The following DYNC2I1 variants were observed in gnomAD, a reference collection of about 807,000 sequenced individuals.
The protein encoded by DYNC2I1 is cytoplasmic dynein 2 intermediate chain 1.
In DYNC2I1, 89 loss-of-function variants were observed where a neutral mutation model predicts 133.4. The ratio of observed to expected loss-of-function variants is 0.67; its 90% CI spans 0.56 to 0.80. The LOEUF is 0.80. Ranked by LOEUF, DYNC2I1 falls within the 30% of genes least tolerant of loss-of-function variation. DYNC2I1 has a pLI of 0.00. For synonymous variants in DYNC2I1, 504 were observed against 484.3 expected (o/e 1.04, Z -0.54); for missense variants, 1,291 against 1,314.5 (o/e 0.98, Z 0.28).
At chr7:158,908,153 G>A (rs1005370834) in intron 11 of DYNC2I1, among the ~76,000 whole-genome samples, 7 of 151,976 alleles carry the variant, frequency 4.6e-5, no homozygotes, top group African/African-American at 1.7e-4. Flanking sequence ...TGGCATTTGT[G>A]TGTTGTAAGG....
At chr7:158,848,988 C>T in the DYNC2I1 span, among the ~76,000 whole-genome samples, 1 of 151,830 alleles carries the variant, frequency 6.6e-6, no homozygotes, top group Non-Finnish European at 1.5e-5. Flanking sequence ...AAGGGGCCCA[C>T]ACAAGTCTTC....
At chr7:158,862,219 A>C (rs886389563) in intron 1 of DYNC2I1, among the ~76,000 whole-genome samples, 3 of 152,336 alleles carry the variant, frequency 2.0e-5, no homozygotes, top group South Asian at 4.2e-4. Context: ...TATAGAGACT[A>C]TCAGGGCCAC....
chr7:158,875,074 CAGTGCTTGGTAAATGCCT>C (rs1211194429), intron 3 of DYNC2I1, among the ~76,000 whole-genome samples: 2 of 147,968 alleles, frequency 1.4e-5, no homozygotes, highest in Non-Finnish European at 3.0e-5. Flanking sequence ...GAAGAGTGCT[CAGTGCTTGGTAAATGCCT>C]TTTTTTTTTT....
chr7:158,940,638 T>TA (rs1851248289), intron 23 of DYNC2I1, among the ~76,000 whole-genome samples: 1 of 152,212 alleles, frequency 6.6e-6, no homozygotes, highest in Non-Finnish European at 1.5e-5. Flanking sequence ...TTGAGTATCT[T>TA]ATGATTATCA....
At chr7:158,910,467 G>C (rs1257183660) in intron 11 of DYNC2I1, among the ~76,000 whole-genome samples, 3 of 151,964 alleles carry the variant, frequency 2.0e-5, no homozygotes, top group Admixed American at 2.0e-4. Flanking sequence ...TGTCAGGCCT[G>C]TGGGCCGAGT....
chr7:158,884,643 C>T (rs372005470), intron 6 of DYNC2I1, 24 bp downstream of exon 6: 85 of 1,610,250 alleles, frequency 5.3e-5, no homozygotes, highest in Middle Eastern at 1.6e-4. Flanking sequence ...GCCCTGTGGT[C>T]GACCTTTACG....
intron 4 of DYNC2I1, among the ~76,000 whole-genome samples, chr7:158,951,783 A>G (rs541344245): frequency 3.3e-4 from 50 of 152,286 alleles, no homozygotes; most frequent in African/African-American, 1.2e-3. Context: ...CTGAAGGAGC[A>G]TGTTCTTCTC....
At chr7:158,852,328 G>A (rs1841077294), upstream of DYNC2I1, among the ~76,000 whole-genome samples, 1 of 151,802 alleles carries the variant, frequency 6.6e-6, no homozygotes, top group African/African-American at 2.4e-5. Context: ...TACCATGTTG[G>A]CCAGGCTAGT....
intron 3 of DYNC2I1, among the ~76,000 whole-genome samples, chr7:158,874,038 C>T (rs561365652): frequency 6.8e-4 from 103 of 152,016 alleles, no homozygotes; most frequent in African/African-American, 2.3e-3. Context: ...GGATTATAGG[C>T]GTCAGCCACA....
At chr7:158,871,706 C>T (rs1842901985) in intron 3 of DYNC2I1, 144 bp downstream of exon 3, 1 of 1,015,730 alleles carries the variant, frequency 9.8e-7, no homozygotes, top group African/African-American at 1.6e-5. Flanking sequence ...GGGTCTTGCT[C>T]TGCCCCCAGG....
At position 158,922,540 on chromosome 7, in the gene DYNC2I1, T is replaced by C. The variant is rs1256206910; in HGVS notation, c.2085T>C (p.Cys695=). The change falls in exon 16 of 25, where the codon TGT becomes TGC. Residue 695 remains cysteine, a synonymous_variant. Transcript: ENST00000407559. ...CAGGGCCACAGAAAGTTCTGATATG[T>C]GAGTCCCAGGTACAGCTCAGGATGA... is the stretch of plus-strand genomic sequence containing the variant. ...QPSGPQKVLI[C]ESQVTCCCLS... The C allele has an allele frequency of 2.5e-6, 4 of 1,613,506 alleles. No homozygotes were observed. Among genetic ancestry groups the C allele is most frequent in the African/African-American group, 2.7e-5 (2 of 74,854 alleles).
downstream of DYNC2I1, among the ~76,000 whole-genome samples, chr7:158,948,528 T>A (rs953866039): frequency 7.9e-5 from 12 of 152,156 alleles, no homozygotes; most frequent in Non-Finnish European, 1.0e-4. Context: ...CGGAGGCACT[T>A]CTGTTTTCTC....
At chr7:158,884,746 C>T in intron 6 of DYNC2I1, 127 bp downstream of exon 6, 3 of 906,070 alleles carry the variant, frequency 3.3e-6, no homozygotes, top group Non-Finnish European at 4.6e-6. Context: ...ACTTCATTTT[C>T]TCTAGATTTT....
intron 4 of DYNC2I1, among the ~76,000 whole-genome samples, chr7:158,956,129 G>A (rs959076837): frequency 5.3e-5 from 8 of 152,176 alleles, no homozygotes; most frequent in Non-Finnish European, 7.3e-5. Flanking sequence ...ACCGGGAGGC[G>A]GCCAGAAGTG....
intron 6 of DYNC2I1, 47 bp from the exon 7 acceptor site, chr7:158,886,974 G>A (rs1407097502): frequency 6.5e-7 from 1 of 1,543,626 alleles, no homozygotes; most frequent in Non-Finnish European, 8.9e-7. Flanking sequence ...TTTTTTAAAA[G>A]CTCTCATTTA....
upstream of DYNC2I1, among the ~76,000 whole-genome samples, chr7:158,853,478 A>G (rs996432298): frequency 3.3e-5 from 5 of 152,100 alleles, no homozygotes; most frequent in Admixed American, 2.6e-4. Flanking sequence ...CTTGGTCATT[A>G]TCAGTGTGAA....
intron 14 of DYNC2I1, among the ~76,000 whole-genome samples, chr7:158,915,012 A>T (rs1302639391): frequency 2.6e-5 from 4 of 152,212 alleles, no homozygotes; most frequent in Non-Finnish European, 5.9e-5. Context: ...ACTTGAGTCT[A>T]CTGCAGCACT....
At chr7:158,899,243 T>A (rs538351893) in intron 8 of DYNC2I1, among the ~76,000 whole-genome samples, 1 of 152,332 alleles carries the variant, frequency 6.6e-6, no homozygotes, top group Non-Finnish European at 1.5e-5. Flanking sequence ...TTTATTTTTA[T>A]TTTTCCAAAT....
rs1186128210 is a variant in DYNC2I1 at position 158,879,814 on chromosome 7, A to T, written c.704A>T (p.Glu235Val). The stretch of plus-strand genomic sequence containing the variant: ...CACCGAGAAAAAAGCAGCACAAGGG[A>T]AAAAAGAGAGAAATATTCCAAAGAG... The part of the protein sequence containing the change: ...NKHREKSSTR[E>V]KREKYSKEKS... The change falls in exon 5 of 25, where the codon GAA (glutamate) becomes GTA (valine). Residue 235 changes from glutamate to valine, a missense_variant. By Grantham distance (121) the Glu-to-Val change is moderately radical (BLOSUM62 -2). Transcript: ENST00000407559. 5.0e-6 allele frequency: 8 copies of T among 1,612,752 alleles called. No individual in the cohort carries two copies. The highest frequency in any genetic ancestry group is 6.8e-6 in the Non-Finnish European group (8 of 1,179,250).
Sources: allele counts gnomAD v4.1 joint callset (sites outside exome capture counted in the v4.1 genomes callset), GRCh38; gene constraint gnomAD v4.1.1; transcripts MANE v1.5; gene names NCBI Gene and HGNC (gene_info 2026-07-23, HGNC 2026-07-21).